VKORC1L1: variants seen among roughly 807,000 people sequenced by gnomAD.
VKORC1L1 encodes vitamin K epoxide reductase complex subunit 1-like protein 1.
Under a neutral mutation model 18.9 loss-of-function variants are expected in VKORC1L1, and 2 were observed. The ratio of observed to expected loss-of-function variants is 0.11; its 90% CI spans 0.04 to 0.33. The LOEUF (loss-of-function observed/expected upper bound fraction) is 0.33. Among genes scored for constraint, VKORC1L1 ranks in the 10% least tolerant of loss-of-function variants. The probability of loss-of-function intolerance (pLI) is 1.00; values close to 1 mark genes in which losing one functional copy is unlikely to be tolerated. For synonymous variants in VKORC1L1, 96 were observed against 100.0 expected (o/e 0.96, Z 0.24); for missense variants, 123 against 224.1 (o/e 0.55, Z 2.88).
intron 1 of VKORC1L1, among the ~76,000 whole-genome samples, chr7:65,884,139 G>C (rs1225699014): frequency 6.6e-6 from 1 of 152,102 alleles, no homozygotes; most frequent in Non-Finnish European, 1.5e-5. Flanking sequence ...TTGAAATCTT[G>C]GCTCTGTCAC....
intron 1 of VKORC1L1, among the ~76,000 whole-genome samples, chr7:65,929,658 G>A (rs145894656): frequency 0.01 from 1,174 of 113,346 alleles, 20 homozygotes; most frequent in African/African-American, 0.035. Context: ...ATATATGTAT[G>A]TGTGTGTGTG....
intron 1 of VKORC1L1, among the ~76,000 whole-genome samples, chr7:65,886,322 T>G (rs1344191980): frequency 1.3e-5 from 2 of 152,182 alleles, no homozygotes; most frequent in Non-Finnish European, 2.9e-5. Context: ...ACTTAACTCT[T>G]ATTGTTAGAT....
intron 1 of VKORC1L1, among the ~76,000 whole-genome samples, chr7:65,913,797 G>A (rs1789542847): frequency 6.6e-6 from 1 of 151,038 alleles, no homozygotes; most frequent in Non-Finnish European, 1.5e-5. Flanking sequence ...TTACCAGGAT[G>A]AACATTCAGA....
chr7:65,896,333 C>T (rs1789211890), intron 1 of VKORC1L1, among the ~76,000 whole-genome samples: 1 of 151,974 alleles, frequency 6.6e-6, no homozygotes, highest in Non-Finnish European at 1.5e-5. Context: ...TATATTTTGG[C>T]TAAAGTGAAT....
rs747458320 is a variant in VKORC1L1, at chr7:65,908,164, G to A, written c.194+34599G>A. Among the ~76,000 whole-genome samples, 28 of 152,296 alleles carry A rather than the reference G, an allele frequency of 1.8e-4. 1 individual carries two copies. The highest frequency in any genetic ancestry group is 2.8e-4 in the Non-Finnish European group (19 of 68,016). ...GCTGTGGCTCATGCCTGTAATCCCA[G>A]CACTTTGGAAGGCCGAGGCGGGCAG... On this transcript the variant is annotated intron_variant, in intron 1 of 2. Coordinates refer to ENST00000360768, the MANE Select transcript of VKORC1L1 (RefSeq NM_173517.6).
In VKORC1L1 at chr7:65,873,344, G is replaced by GGGAGGC. The variant is rs780810055; in HGVS notation, c.-25_-20dup. 1 of 1,472,890 alleles carries GGGAGGC rather than the reference G, an allele frequency of 6.8e-7. No individual in the cohort carries two copies. 91.2% of individuals were successfully genotyped at this position (1,472,890 alleles called of 1,614,324 possible). On this transcript the variant is annotated 5_prime_UTR_variant, in exon 1 of 3. Coordinates refer to ENST00000360768, the MANE Select transcript of VKORC1L1 (RefSeq NM_173517.6). Reference sequence around the variant, plus strand: ...CGGCGGCGGCTGAGGTGGAGGCGGAGGGAGGCGGCGGCGGCGGCGGCGGGA... The same window carrying GGGAGGC: ...CGGCGGCGGCTGAGGTGGAGGCGGAGGGAGGCGGAGGCGGCGGCGGCGGCGGCGGGA...
intron 1 of VKORC1L1, among the ~76,000 whole-genome samples, chr7:65,885,386 C>CTT (rs1788994551): frequency 6.6e-6 from 1 of 151,356 alleles, no homozygotes; most frequent in African/African-American, 2.4e-5. Context: ...GAAGTGTTAA[C>CTT]TTAGGTGGTC....
At chr7:65,903,250 T>G (rs1789349305) in intron 1 of VKORC1L1, among the ~76,000 whole-genome samples, 1 of 150,378 alleles carries the variant, frequency 6.6e-6, no homozygotes. Context: ...CACTGCAACC[T>G]CTGCCTCCTA....
At chr7:65,935,658 A>G (rs1338031638) in intron 1 of VKORC1L1, among the ~76,000 whole-genome samples, 5 of 152,042 alleles carry the variant, frequency 3.3e-5, no homozygotes, top group African/African-American at 1.2e-4. Flanking sequence ...ATTCTTGTCT[A>G]CTTATATAAT....
At chr7:65,915,091 TTC>T (rs781748064) in intron 1 of VKORC1L1, among the ~76,000 whole-genome samples, 1 of 147,232 alleles carries the variant, frequency 6.8e-6, no homozygotes. Context: ...TCTTTTTTTT[TTC>T]TTTTTTTTTT....
chr7:65,941,673 GTTTTTTTTTTTTTT>G (rs57537567), intron 1 of VKORC1L1, among the ~76,000 whole-genome samples: 1 of 66,500 alleles, frequency 1.5e-5, no homozygotes, highest in African/African-American at 5.6e-5. Flanking sequence ...TTTTCTTAAG[GTTTTTTTTTTTTTT>G]TTTTTTTTTT....
At chr7:65,887,822 G>A (rs1341092751) in intron 1 of VKORC1L1, among the ~76,000 whole-genome samples, 1 of 149,838 alleles carries the variant, frequency 6.7e-6, no homozygotes, top group Non-Finnish European at 1.5e-5. Flanking sequence ...TTTTTTTCCT[G>A]TCATTTAAAA....
At chr7:65,870,724 T>A (rs776614677), upstream of VKORC1L1, among the ~76,000 whole-genome samples, 290 of 152,298 alleles carry the variant, frequency 1.9e-3, 2 homozygotes, top group Non-Finnish European at 2.9e-3. Flanking sequence ...AGAAGGGAAG[T>A]TGCAGGAGTC....
rs1788849510 is a variant in VKORC1L1, at chr7:65,877,494, C to T, written c.194+3929C>T. On this transcript the variant is annotated intron_variant, in intron 1 of 2. Coordinates refer to ENST00000360768, the MANE Select transcript of VKORC1L1 (RefSeq NM_173517.6). Reference sequence around the variant, plus strand: ...TCCCAAGGAGCTGGGATTACAGGTGCCCACCACCATGCCCGGCTAATTTTT... The same window carrying T: ...TCCCAAGGAGCTGGGATTACAGGTGTCCACCACCATGCCCGGCTAATTTTT... 2.6e-5 allele frequency among the ~76,000 whole-genome samples: 4 copies of T among 152,144 alleles called. No homozygotes were observed. The South Asian group carries it at 6.2e-4, about 24-fold the overall frequency.
intron 1 of VKORC1L1, among the ~76,000 whole-genome samples, chr7:65,944,780 G>A (rs1262399630): frequency 2.0e-5 from 3 of 151,944 alleles, no homozygotes; most frequent in African/African-American, 4.8e-5. Context: ...AGCCAGGCAC[G>A]GTGGTGGATG....
At chr7:65,905,666 A>G (rs1789394717) in intron 1 of VKORC1L1, among the ~76,000 whole-genome samples, 1 of 152,170 alleles carries the variant, frequency 6.6e-6, no homozygotes, top group African/African-American at 2.4e-5. Context: ...AAATCTTTAC[A>G]TCATTGATTT....
At chr7:65,918,066 G>GCT in intron 1 of VKORC1L1, among the ~76,000 whole-genome samples, 1 of 152,146 alleles carries the variant, frequency 6.6e-6, no homozygotes, top group Non-Finnish European at 1.5e-5. Context: ...TTGATACTTT[G>GCT]CTACTACATT....
upstream of VKORC1L1, among the ~76,000 whole-genome samples, chr7:65,870,493 ATGT>A (rs1269441618): frequency 1.3e-5 from 2 of 152,176 alleles, no homozygotes; most frequent in African/African-American, 4.8e-5. Flanking sequence ...CATTTATAGA[ATGT>A]TGTTAGCAAT....
intron 1 of VKORC1L1, among the ~76,000 whole-genome samples, chr7:65,895,480 A>AATATATATATATAT (rs1162173957): frequency 4.7e-5 from 2 of 42,764 alleles, no homozygotes; most frequent in Admixed American, 4.3e-4. Flanking sequence ...AAAAAAAAAA[A>AATATATATATATAT]ATATATATAT....
Sources: gnomAD v4.1 joint callset for allele counts (sites outside exome capture counted in the v4.1 genomes callset) on GRCh38, gnomAD v4.1.1 for gene constraint, MANE v1.5 for transcripts, NCBI Gene and HGNC (gene_info 2026-07-23, HGNC 2026-07-21) for gene names.